The following SPATA6 variants were observed in gnomAD, a reference collection of about 807,000 sequenced individuals.
The protein encoded by SPATA6 is spermatogenesis associated 6.
In SPATA6, 56 loss-of-function variants were observed where a neutral mutation model predicts 65.3. The ratio of observed to expected loss-of-function variants is 0.86; its 90% confidence interval spans 0.69 to 1.07. The LOEUF (loss-of-function observed/expected upper bound fraction) is 1.07. Ranked by LOEUF, SPATA6 falls within the 50% of genes least tolerant of loss-of-function variation. The pLI is 0.00. For synonymous variants in SPATA6, 199 were observed against 213.2 expected (o/e 0.93, Z 0.58); for missense variants, 590 against 594.8 (o/e 0.99, Z 0.08).
intron 9 of SPATA6, among the ~76,000 whole-genome samples, chr1:48,364,666 T>G (rs1378135981): frequency 6.6e-6 from 1 of 152,184 alleles, no homozygotes; most frequent in Non-Finnish European, 1.5e-5. Context: ...TCTTGTAAAT[T>G]TGTTTGAGTT....
intron 11 of SPATA6, among the ~76,000 whole-genome samples, chr1:48,324,893 G>A (rs569433010): frequency 3.9e-5 from 6 of 152,208 alleles, no homozygotes; most frequent in East Asian, 1.9e-4. Context: ...TATTGGAAAC[G>A]AACAAGTCAA....
At chr1:48,284,239 T>C in the SPATA6 span, among the ~76,000 whole-genome samples, 1 of 152,232 alleles carries the variant, frequency 6.6e-6, no homozygotes, top group Non-Finnish European at 1.5e-5. Flanking sequence ...TACTTGTGTA[T>C]GATTCAGGAA....
intron 6 of SPATA6, among the ~76,000 whole-genome samples, chr1:48,402,064 T>G (rs1189841821): frequency 2.0e-5 from 3 of 152,162 alleles, no homozygotes; most frequent in Non-Finnish European, 4.4e-5. Flanking sequence ...GAAAGAATAT[T>G]TAAAGAAAAT....
chr1:48,332,795 A>G (rs1645953031), intron 11 of SPATA6, among the ~76,000 whole-genome samples: 1 of 152,190 alleles, frequency 6.6e-6, no homozygotes, highest in Non-Finnish European at 1.5e-5. Flanking sequence ...GCCACATGGT[A>G]CACACTGTAA....
downstream of SPATA6, among the ~76,000 whole-genome samples, chr1:48,292,168 C>G (rs1347852842): frequency 6.6e-6 from 1 of 152,200 alleles, no homozygotes; most frequent in Admixed American, 6.5e-5. Flanking sequence ...GCATTTGAAG[C>G]AGCACTTACC....
chr1:48,346,628 C>A (rs1247563795), intron 11 of SPATA6, among the ~76,000 whole-genome samples: 1 of 152,022 alleles, frequency 6.6e-6, no homozygotes, highest in Non-Finnish European at 1.5e-5. Context: ...TCAGGGGATA[C>A]AAAATCCATG....
chr1:48,397,334 G>A (rs1371854167), intron 7 of SPATA6, among the ~76,000 whole-genome samples: 5 of 151,636 alleles, frequency 3.3e-5, no homozygotes, highest in Admixed American at 6.6e-5. Context: ...CTTTAAATTC[G>A]AAATGGTAAA....
At chr1:48,438,024 G>A (rs983787985) in intron 3 of SPATA6, among the ~76,000 whole-genome samples, 12 of 151,982 alleles carry the variant, frequency 7.9e-5, no homozygotes, top group Non-Finnish European at 1.3e-4. Flanking sequence ...GGATGTGGGC[G>A]GGGACAAATA....
At chr1:48,278,983 T>C in the SPATA6 span, among the ~76,000 whole-genome samples, 2 of 152,144 alleles carry the variant, frequency 1.3e-5, no homozygotes, top group African/African-American at 2.4e-5. Flanking sequence ...AGCGGATCTC[T>C]CGGCAGAAAC....
At chr1:48,320,276 A>G (rs1365267849) in intron 11 of SPATA6, among the ~76,000 whole-genome samples, 1 of 152,252 alleles carries the variant, frequency 6.6e-6, no homozygotes, top group African/African-American at 2.4e-5. Context: ...TAGCAAACCA[A>G]GAAGATTTAA....
chr1:48,395,187 T>C, intron 8 of SPATA6, 80 bp downstream of exon 8: 3 of 1,087,104 alleles, frequency 2.8e-6, no homozygotes, highest in Non-Finnish European at 3.8e-6. Context: ...AGATTCTGTT[T>C]TTGTTAATTG....
At chr1:48,324,270 G>A (rs1645690027) in intron 11 of SPATA6, among the ~76,000 whole-genome samples, 1 of 152,096 alleles carries the variant, frequency 6.6e-6, no homozygotes, top group Admixed American at 6.6e-5. Flanking sequence ...GCAAACATTG[G>A]AAGTAGAACT....
At chr1:48,405,106 C>T (rs754749561) in intron 5 of SPATA6, among the ~76,000 whole-genome samples, 21 of 152,152 alleles carry the variant, frequency 1.4e-4, no homozygotes, top group Non-Finnish European at 2.5e-4. Flanking sequence ...AAAGGTAAAT[C>T]GGAGTTGCCT....
intron 9 of SPATA6, among the ~76,000 whole-genome samples, chr1:48,366,744 C>T (rs540332382): frequency 6.6e-6 from 1 of 152,046 alleles, no homozygotes; most frequent in East Asian, 1.9e-4. Flanking sequence ...TTCAAAAAAC[C>T]AGCTCCTGGA....
intron 11 of SPATA6, among the ~76,000 whole-genome samples, chr1:48,346,415 C>G (rs1336875916): frequency 2.0e-5 from 3 of 151,956 alleles, no homozygotes; most frequent in African/African-American, 7.2e-5. Context: ...GAAAACAGCA[C>G]AAGACAAGAT....
At chr1:48,305,899 C>G in intron 11 of SPATA6, 21 bp from the exon 12 acceptor site, 3 of 1,581,190 alleles carry the variant, frequency 1.9e-6, no homozygotes, top group Non-Finnish European at 2.6e-6. Flanking sequence ...TTAAAGATTT[C>G]CATTAACTCA....
chr1:48,461,289 G>A (rs1165795749), intron 1 of SPATA6, among the ~76,000 whole-genome samples: 1 of 152,110 alleles, frequency 6.6e-6, no homozygotes, highest in Non-Finnish European at 1.5e-5. Context: ...TTTGTAGGTT[G>A]CCTGTTTACT....
At chr1:48,448,349 G>A (rs1181942841) in intron 3 of SPATA6, among the ~76,000 whole-genome samples, 1 of 151,742 alleles carries the variant, frequency 6.6e-6, no homozygotes, top group Non-Finnish European at 1.5e-5. Flanking sequence ...CCAAAAACAT[G>A]AAATCTGAAA....
chr1:48,343,835 A>T (rs1305295337), intron 11 of SPATA6, among the ~76,000 whole-genome samples: 1 of 152,184 alleles, frequency 6.6e-6, no homozygotes, highest in African/African-American at 2.4e-5. Context: ...ATGTTCATTT[A>T]TGTTAAACTT....
Sources: gnomAD v4.1 joint callset for allele counts (sites outside exome capture counted in the v4.1 genomes callset) on GRCh38, gnomAD v4.1.1 for gene constraint, MANE v1.5 for transcripts, NCBI Gene and HGNC (gene_info 2026-07-23, HGNC 2026-07-21) for gene names.